The following ARHGEF7 variants were observed in gnomAD, a reference collection of about 807,000 sequenced individuals.
ARHGEF7 encodes PAK-interacting exchange factor beta.
In ARHGEF7, 33 loss-of-function variants were observed where a neutral mutation model predicts 109.8. The observed-to-expected ratio is 0.30, with a 90% CI of 0.23 to 0.40. The LOEUF (loss-of-function observed/expected upper bound fraction) is 0.40, where lower values mean the gene tolerates loss of function less well. Ranked by LOEUF, ARHGEF7 falls within the 10% of genes least tolerant of loss-of-function variation. The probability of loss-of-function intolerance (pLI) is 1.00; values close to 1 mark genes in which losing one functional copy is unlikely to be tolerated. For missense variants in ARHGEF7, 938 were observed against 1,098.5 expected, an observed-to-expected ratio of 0.85 and a Z score of 2.07; for synonymous variants, 458 against 424.6, an observed-to-expected ratio of 1.08 and a Z score of -0.97.
chr13:111,282,894 G>C (rs1274354446), intron 15 of ARHGEF7: 4 of 596,966 alleles, frequency 6.7e-6, no homozygotes, highest in African/African-American at 3.7e-5. Flanking sequence ...GCCCCAGCTA[G>C]AGCTGCCCCT....
At chr13:111,114,627 C>A (rs2066631925), upstream of ARHGEF7, 2 of 152,660 alleles carry the variant, frequency 1.3e-5, no homozygotes, top group Non-Finnish European at 2.9e-5. Flanking sequence ...GTCCCCGAGA[C>A]GCAGCCAGGC....
chr13:111,188,327 T>C (rs2079486925), intron 2 of ARHGEF7, among the ~76,000 whole-genome samples: 1 of 152,212 alleles, frequency 6.6e-6, no homozygotes, highest in African/African-American at 2.4e-5. Context: ...CCCTGAACGC[T>C]GACACGCAGA....
At chr13:111,253,398 A>G (rs2090027242) in intron 8 of ARHGEF7, among the ~76,000 whole-genome samples, 1 of 152,240 alleles carries the variant, frequency 6.6e-6, no homozygotes, top group African/African-American at 2.4e-5. Flanking sequence ...AGGAGGTTAA[A>G]TTCTGTTGAA....
intron 2 of ARHGEF7, among the ~76,000 whole-genome samples, chr13:111,193,374 TTTCCTTCTGCCTTTTCTCCTTCAC>T (rs1368752094): frequency 2.6e-5 from 4 of 152,190 alleles, no homozygotes; most frequent in African/African-American, 4.8e-5. Flanking sequence ...TGCCCTGCGG[TTTCCTTCTGCCTTTTCTCCTTCAC>T]TTCCTTCTGC....
chr13:111,154,378 G>A (rs905074992), intron 2 of ARHGEF7, among the ~76,000 whole-genome samples: 1 of 152,194 alleles, frequency 6.6e-6, no homozygotes, highest in Non-Finnish European at 1.5e-5. Flanking sequence ...TCATCTAAGG[G>A]CTGGCATCTA....
At chr13:111,274,813 T>C in intron 11 of ARHGEF7, 23 bp downstream of exon 11, 1 of 1,390,908 alleles carries the variant, frequency 7.2e-7, no homozygotes, top group Non-Finnish European at 9.5e-7. Flanking sequence ...GCATATTGTT[T>C]TCCCCCCCAG....
At chr13:111,245,365 AT>A (rs1413714465) in intron 8 of ARHGEF7, among the ~76,000 whole-genome samples, 1 of 152,074 alleles carries the variant, frequency 6.6e-6, no homozygotes, top group Non-Finnish European at 1.5e-5. Flanking sequence ...GTATGTCACA[AT>A]CTGATTGAGA....
chr13:111,135,428 A>C (rs1308901357), intron 1 of ARHGEF7, among the ~76,000 whole-genome samples: 1 of 152,220 alleles, frequency 6.6e-6, no homozygotes, highest in African/African-American at 2.4e-5. Flanking sequence ...CTTCCTACCC[A>C]TGAGCATGGA....
intron 1 of ARHGEF7, among the ~76,000 whole-genome samples, chr13:111,116,081 G>T (rs1037237886): frequency 6.6e-6 from 1 of 152,228 alleles, no homozygotes; most frequent in East Asian, 1.9e-4. Context: ...GGCTCACTCC[G>T]CTGGCTTTGT....
chr13:111,277,311 G>A (rs556704973), intron 12 of ARHGEF7, among the ~76,000 whole-genome samples: 9 of 152,220 alleles, frequency 5.9e-5, no homozygotes, highest in East Asian at 3.9e-4. Flanking sequence ...TAATCAGTCC[G>A]TTTACTTTCT....
At chr13:111,256,644 C>T (rs192677276) in intron 8 of ARHGEF7, among the ~76,000 whole-genome samples, 1 of 152,226 alleles carries the variant, frequency 6.6e-6, no homozygotes, top group Non-Finnish European at 1.5e-5. Context: ...CCTGCTCACT[C>T]GCTCTCTTCG....
chr13:111,183,769 G>T (rs567024448), intron 2 of ARHGEF7, among the ~76,000 whole-genome samples: 2 of 151,882 alleles, frequency 1.3e-5, no homozygotes, highest in African/African-American at 4.8e-5. Context: ...TTTGCTAATT[G>T]TACCGGTTTT....
Position 111,258,543 on chromosome 13 carries a change from C to T in ARHGEF7, c.951-9005C>T, listed in dbSNP as rs950671902. 4.6e-5 allele frequency among the ~76,000 whole-genome samples: 7 copies of T among 152,212 alleles called. No individual in the cohort carries two copies. The highest frequency in any genetic ancestry group is 1.7e-4 in the African/African-American group (7 of 41,456). ...AGTTCCTGTCAGGATCCATCATCTGCTGACTAAAGAGTCCTTGGGCCCTGA... is the reference window on the plus strand; with the variant it reads ...AGTTCCTGTCAGGATCCATCATCTGTTGACTAAAGAGTCCTTGGGCCCTGA... On this transcript the variant is annotated intron_variant, in intron 8 of 21. Transcript: ENST00000646102. This position sits in a 1 kb window ranked among gnomAD's most constrained non-coding sequence, Gnocchi z 4.4.
chr13:111,165,847 A>G (rs2077084584), intron 2 of ARHGEF7, among the ~76,000 whole-genome samples: 1 of 152,192 alleles, frequency 6.6e-6, no homozygotes, highest in Non-Finnish European at 1.5e-5. Flanking sequence ...TCAAATGGAA[A>G]TTAGTTGTCC....
intron 16 of ARHGEF7, among the ~76,000 whole-genome samples, chr13:111,284,423 C>CAG (rs1362834898): frequency 6.6e-6 from 1 of 152,108 alleles, no homozygotes; most frequent in Non-Finnish European, 1.5e-5. Context: ...GTGTGCAAGT[C>CAG]AGAATTTCCA....
At chr13:111,226,411 C>T (rs780085426) in intron 5 of ARHGEF7, among the ~76,000 whole-genome samples, 40 of 152,218 alleles carry the variant, frequency 2.6e-4, no homozygotes, top group Non-Finnish European at 3.5e-4. Flanking sequence ...GTTAATGTAG[C>T]TGGTGACTGA....
chr13:111,210,867 C>T (rs928299474), intron 4 of ARHGEF7, among the ~76,000 whole-genome samples: 3 of 152,212 alleles, frequency 2.0e-5, no homozygotes, highest in African/African-American at 7.2e-5. Flanking sequence ...GGATTTTCCT[C>T]TGCCTTAACA....
At chr13:111,116,492 G>A (rs539991660) in intron 1 of ARHGEF7, 35 of 143,180 alleles carry the variant, frequency 2.4e-4, no homozygotes, top group African/African-American at 8.2e-4. Context: ...GGAGGCAGGA[G>A]AGTTTCTAAA....
intron 1 of ARHGEF7, among the ~76,000 whole-genome samples, chr13:111,135,588 T>A (rs2075046768): frequency 1.3e-5 from 2 of 152,234 alleles, no homozygotes; most frequent in South Asian, 4.1e-4. Context: ...ATTATTTGGC[T>A]CTCTGTTTGT....
Sources: gnomAD v4.1 joint callset for allele counts (sites outside exome capture counted in the v4.1 genomes callset) on GRCh38, gnomAD v4.1.1 for gene constraint, Gnocchi (gnomAD v3.1) non-coding constraint, MANE v1.5 for transcripts, NCBI Gene and HGNC (gene_info 2026-07-23, HGNC 2026-07-21) for gene names.